The following PPP3CA variants were observed in gnomAD, a reference collection of about 807,000 sequenced individuals.
The protein encoded by PPP3CA is protein phosphatase 3 catalytic subunit alpha, also known as CAM-PRP catalytic subunit.
Under a neutral mutation model 66.5 loss-of-function variants are expected in PPP3CA, and 14 were observed. That is an observed-to-expected ratio of 0.21 (90% CI 0.14 to 0.33). The LOEUF is 0.33. Among genes scored for constraint, PPP3CA ranks in the 10% least tolerant of loss-of-function variants. The pLI, the probability that PPP3CA is intolerant of heterozygous loss-of-function variation, is 1.00. For synonymous variants in PPP3CA, 232 were observed against 226.2 expected (o/e 1.03, Z -0.23); for missense variants, 317 against 639.5 (o/e 0.50, Z 5.44).
At chr4:101,187,852 C>T (rs192727776) in intron 2 of PPP3CA, among the ~76,000 whole-genome samples, 1 of 152,206 alleles carries the variant, frequency 6.6e-6, no homozygotes, top group East Asian at 1.9e-4. Flanking sequence ...AAGAAAGAAT[C>T]AGATTATGCT....
chr4:101,259,947 C>T (rs1726960698), intron 1 of PPP3CA, among the ~76,000 whole-genome samples: 1 of 152,146 alleles, frequency 6.6e-6, no homozygotes, highest in Non-Finnish European at 1.5e-5. Flanking sequence ...GCTGTCAAGG[C>T]ACGAACATAA....
intron 2 of PPP3CA, among the ~76,000 whole-genome samples, chr4:101,147,133 T>C (rs79174673): frequency 0.07 from 10,670 of 152,282 alleles, 956 homozygotes; most frequent in East Asian, 0.3. Flanking sequence ...AACCCAGATT[T>C]GTCCCGAAGT....
rs143861790 is a variant in PPP3CA, at chr4:101,059,711, C to T, written c.1156+1376G>A. Among the ~76,000 whole-genome samples the T allele has an allele frequency of 4.6e-4, 70 of 152,184 alleles. 1 individual carries two copies. Among genetic ancestry groups the T allele is most frequent in the Non-Finnish European group, 5.9e-5 (4 of 67,980 alleles). Reference sequence around the variant, plus strand: ...TATACATTTTATCCATTTAAACTCACCATAATATCTAGTTTCCCTTGCCCT... The same window carrying T: ...TATACATTTTATCCATTTAAACTCATCATAATATCTAGTTTCCCTTGCCCT... On this transcript the variant is annotated intron_variant, in intron 10 of 13. Transcript: ENST00000394854.
intron 2 of PPP3CA, among the ~76,000 whole-genome samples, chr4:101,170,005 T>C (rs955688324): frequency 5.3e-5 from 8 of 152,172 alleles, no homozygotes; most frequent in African/African-American, 1.7e-4. Context: ...CTAACAATTA[T>C]GGAAATTTCC....
chr4:101,294,544 A>ACAT (rs1553939313), intron 1 of PPP3CA, among the ~76,000 whole-genome samples: 1 of 151,942 alleles, frequency 6.6e-6, no homozygotes, highest in Non-Finnish European at 1.5e-5. Context: ...TTAATCATTT[A>ACAT]TATTAAGGCC....
intron 1 of PPP3CA, among the ~76,000 whole-genome samples, chr4:101,328,401 T>C (rs1377322233): frequency 1.3e-5 from 2 of 152,190 alleles, no homozygotes; most frequent in African/African-American, 4.8e-5. Context: ...TTAAAAGTAG[T>C]AAATGAAAAA....
chr4:101,304,730 A>G (rs941728401), intron 1 of PPP3CA, among the ~76,000 whole-genome samples: 1 of 152,234 alleles, frequency 6.6e-6, no homozygotes, highest in African/African-American at 2.4e-5. Context: ...TAGGATAGTC[A>G]CAGGTTTAAA....
chr4:101,154,658 T>A (rs1723254276), intron 2 of PPP3CA, among the ~76,000 whole-genome samples: 1 of 152,156 alleles, frequency 6.6e-6, no homozygotes, highest in South Asian at 2.1e-4. Context: ...ACTCTAATTA[T>A]GATTGAGTTT....
chr4:101,189,853 C>T (rs1007885098), intron 2 of PPP3CA, among the ~76,000 whole-genome samples: 1 of 152,024 alleles, frequency 6.6e-6, no homozygotes, highest in Non-Finnish European at 1.5e-5. Flanking sequence ...ATGAAATTTT[C>T]ACTCTGGATC....
intron 2 of PPP3CA, among the ~76,000 whole-genome samples, chr4:101,175,556 G>A (rs1013727437): frequency 6.6e-6 from 1 of 152,086 alleles, no homozygotes. Context: ...AACTCTATTA[G>A]AATGTTGGTG....
chr4:101,220,610 G>T (rs1326229077), intron 1 of PPP3CA, among the ~76,000 whole-genome samples: 2 of 151,466 alleles, frequency 1.3e-5, no homozygotes, highest in African/African-American at 4.9e-5. Context: ...TTGTTTGTTT[G>T]TTTTTCTTAA....
At chr4:101,339,488 A>T (rs1051405586) in intron 1 of PPP3CA, among the ~76,000 whole-genome samples, 3 of 152,216 alleles carry the variant, frequency 2.0e-5, no homozygotes, top group Non-Finnish European at 4.4e-5. Context: ...GTGACCGAAC[A>T]GAACAGCTCT....
At chr4:101,044,163 G>A (rs1727660177) in intron 10 of PPP3CA, among the ~76,000 whole-genome samples, 1 of 152,134 alleles carries the variant, frequency 6.6e-6, no homozygotes, top group Non-Finnish European at 1.5e-5. Context: ...ACAACAGCAG[G>A]AGAGAATTAA....
At chr4:101,213,614 C>G (rs1725371622) in intron 1 of PPP3CA, among the ~76,000 whole-genome samples, 1 of 152,104 alleles carries the variant, frequency 6.6e-6, no homozygotes, top group African/African-American at 2.4e-5. Context: ...ATATGCTTTA[C>G]ATTTTTTAAC....
At chr4:101,085,957 CA>C (rs1729655145) in intron 6 of PPP3CA, among the ~76,000 whole-genome samples, 1 of 151,962 alleles carries the variant, frequency 6.6e-6, no homozygotes, top group South Asian at 2.1e-4. Flanking sequence ...ACTTATTCCC[CA>C]GTAATTTAGC....
chr4:101,124,718 AAAGAAAG>A (rs1722162042), intron 2 of PPP3CA, among the ~76,000 whole-genome samples: 8 of 81,848 alleles, frequency 9.8e-5, no homozygotes, highest in African/African-American at 3.5e-4. Flanking sequence ...AGAAAGAAAG[AAAGAAAG>A]AGAAAGAAAG....
chr4:101,051,455 C>T (rs1175186605), intron 10 of PPP3CA, among the ~76,000 whole-genome samples: 3 of 152,044 alleles, frequency 2.0e-5, no homozygotes, highest in African/African-American at 7.2e-5. Context: ...TGCTTTAGTA[C>T]AAAGAGAATC....
At chr4:101,084,649 A>T (rs933806909) in intron 6 of PPP3CA, among the ~76,000 whole-genome samples, 2 of 152,148 alleles carry the variant, frequency 1.3e-5, no homozygotes, top group Non-Finnish European at 2.9e-5. Flanking sequence ...ATCTCAAAAA[A>T]AAAAAAAGAA....
At chr4:101,034,093 T>C (rs963225374) in intron 11 of PPP3CA, among the ~76,000 whole-genome samples, 1 of 152,160 alleles carries the variant, frequency 6.6e-6, no homozygotes, top group Non-Finnish European at 1.5e-5. Flanking sequence ...CCTCTCCTGA[T>C]GGGTGAAAGG....
Sources: allele counts gnomAD v4.1 joint callset (sites outside exome capture counted in the v4.1 genomes callset), GRCh38; gene constraint gnomAD v4.1.1; transcripts MANE v1.5; gene names NCBI Gene and HGNC (gene_info 2026-07-23, HGNC 2026-07-21).